The following LUZP2 variants were observed in gnomAD, a reference collection of about 807,000 sequenced individuals.
The protein encoded by LUZP2 is leucine zipper protein 2.
Under a neutral mutation model 51.6 loss-of-function variants are expected in LUZP2, and 52 were observed. The ratio of observed to expected loss-of-function variants is 1.01; its 90% CI spans 0.81 to 1.27. LUZP2 has a LOEUF of 1.27. LUZP2 is among the 50% of genes most tolerant of loss of function. The pLI is 0.00. For missense variants in LUZP2, 436 were observed against 395.4 expected (o/e 1.10, Z -0.87); for synonymous variants, 154 against 137.3 (o/e 1.12, Z -0.85).
At chr11:24,687,004 T>C (rs1162745104) in intron 1 of LUZP2, among the ~76,000 whole-genome samples, 1 of 152,148 alleles carries the variant, frequency 6.6e-6, no homozygotes, top group Admixed American at 6.5e-5. Context: ...TTGTGCCACA[T>C]AAAATGAATT....
intron 4 of LUZP2, among the ~76,000 whole-genome samples, chr11:24,759,894 C>A (rs180690307): frequency 3.0e-3 from 462 of 152,242 alleles, no homozygotes; most frequent in Non-Finnish European, 5.1e-3. Context: ...ATGTCAGTGA[C>A]AAAGCCTCAT....
intron 9 of LUZP2, among the ~76,000 whole-genome samples, chr11:24,997,648 C>A (rs1856549064): frequency 6.6e-6 from 1 of 151,896 alleles, no homozygotes; most frequent in South Asian, 2.1e-4. Context: ...TCAATTTTGG[C>A]TTTTGTTGCC....
intron 1 of LUZP2, among the ~76,000 whole-genome samples, chr11:24,559,599 G>T (rs962889108): frequency 3.9e-5 from 6 of 152,112 alleles, no homozygotes; most frequent in African/African-American, 7.2e-5. Context: ...AATTTTTTAT[G>T]ACAAACTGCT....
chr11:24,881,123 T>G (rs1437449614), intron 5 of LUZP2, among the ~76,000 whole-genome samples: 1 of 152,196 alleles, frequency 6.6e-6, no homozygotes, highest in Non-Finnish European at 1.5e-5. Context: ...TTAATCTGTC[T>G]GTGGTATATG....
intron 1 of LUZP2, among the ~76,000 whole-genome samples, chr11:24,660,581 G>T (rs770580966): frequency 1.3e-5 from 2 of 152,068 alleles, no homozygotes. Flanking sequence ...AGAGTGTCTG[G>T]ATTAAAGCGA....
At chr11:24,632,982 T>C (rs1854946342) in intron 1 of LUZP2, among the ~76,000 whole-genome samples, 3 of 152,022 alleles carry the variant, frequency 2.0e-5, no homozygotes, top group Admixed American at 2.0e-4. Flanking sequence ...GTTGAGTTCC[T>C]GTTTGTTAAG....
chr11:24,574,247 T>TCTTTCTTTCTTTCTTG (rs1852551826), intron 1 of LUZP2, among the ~76,000 whole-genome samples: 1 of 2,108 alleles, frequency 4.7e-4, no homozygotes, highest in African/African-American at 8.6e-4. Context: ...TTTCTTTCTT[T>TCTTTCTTTCTTTCTTG]CTTTCTTTCT....
chr11:24,578,531 C>A (rs373433316), intron 1 of LUZP2, among the ~76,000 whole-genome samples: 1 of 150,446 alleles, frequency 6.6e-6, no homozygotes, highest in African/African-American at 2.4e-5. Flanking sequence ...TGTGGAGTCA[C>A]CCTAGGTGCC....
intron 1 of LUZP2, among the ~76,000 whole-genome samples, chr11:24,683,286 G>T (rs1476809855): frequency 1.3e-5 from 2 of 152,142 alleles, no homozygotes; most frequent in African/African-American, 4.8e-5. Flanking sequence ...AGTACTTAAA[G>T]GATTATTTTG....
In LUZP2 at chr11:24,547,611, A is replaced by G. The variant is rs550072412; in HGVS notation, c.62+50306A>G. On this transcript the variant is annotated intron_variant, in intron 1 of 11. Coordinates refer to ENST00000336930, the MANE Select transcript of LUZP2 (RefSeq NM_001009909.4). ...AGACTTAAATGTGAAACCTAAAACT[A>G]ATAAAAACCCTAGAAGAAAACATAG... 2.0e-4 allele frequency among the ~76,000 whole-genome samples: 31 copies of G among 152,168 alleles called. No homozygotes were observed. The South Asian group carries it at 5.8e-3, about 28-fold the overall frequency.
At chr11:25,078,380 A>G (rs901237796) in intron 11 of LUZP2, among the ~76,000 whole-genome samples, 174 bp from the exon 12 acceptor site, 1 of 152,222 alleles carries the variant, frequency 6.6e-6, no homozygotes, top group African/African-American at 2.4e-5. Context: ...ATGTACTTTT[A>G]TGAAATATAA....
At chr11:24,602,744 G>A (rs1853781582) in intron 1 of LUZP2, among the ~76,000 whole-genome samples, 2 of 151,614 alleles carry the variant, frequency 1.3e-5, no homozygotes, top group South Asian at 2.1e-4. Context: ...CACCTTGGAT[G>A]TATGGGCACA....
intron 9 of LUZP2, among the ~76,000 whole-genome samples, chr11:25,002,616 C>T (rs1856718013): frequency 6.6e-6 from 1 of 152,178 alleles, no homozygotes; most frequent in South Asian, 2.1e-4. Flanking sequence ...GCCACCACCG[C>T]AACTACCTGC....
chr11:24,951,572 G>A (rs1026507872), intron 7 of LUZP2, among the ~76,000 whole-genome samples: 1 of 151,336 alleles, frequency 6.6e-6, no homozygotes, highest in Non-Finnish European at 1.5e-5. Flanking sequence ...TTGTGCTTCG[G>A]AGCCAATTAT....
At chr11:24,507,717 G>A (rs550050282) in intron 1 of LUZP2, among the ~76,000 whole-genome samples, 69 of 152,096 alleles carry the variant, frequency 4.5e-4, no homozygotes, top group African/African-American at 1.4e-3. Flanking sequence ...ATAAATGCTT[G>A]TTCTAGGCTA....
intron 7 of LUZP2, among the ~76,000 whole-genome samples, chr11:24,947,017 G>A (rs1473648211): frequency 6.6e-6 from 1 of 151,732 alleles, no homozygotes; most frequent in East Asian, 1.9e-4. Flanking sequence ...GGAAGTTAGG[G>A]GCACCAACCC....
intron 4 of LUZP2, among the ~76,000 whole-genome samples, chr11:24,750,548 G>A (rs1284998551): frequency 1.3e-5 from 2 of 152,072 alleles, no homozygotes; most frequent in African/African-American, 4.8e-5. Context: ...CTACCAGTTG[G>A]TAACTTATAA....
chr11:24,836,084 G>C (rs1002242316), intron 5 of LUZP2, among the ~76,000 whole-genome samples: 4 of 151,922 alleles, frequency 2.6e-5, no homozygotes, highest in African/African-American at 9.7e-5. Flanking sequence ...AATTCTGACT[G>C]TTTCACTTTC....
At position 24,652,126 on chromosome 11, in the gene LUZP2, G is replaced by A. The variant is rs533121418; in HGVS notation, c.63-77043G>A. On this transcript the variant is annotated intron_variant, in intron 1 of 11. Coordinates refer to ENST00000336930, the MANE Select transcript of LUZP2 (RefSeq NM_001009909.4). ...TGTATATGTGTTTGTGTGTGTGTGT[G>A]TGCGTATGTGTATCTCCTGTTGGTT... Among the ~76,000 whole-genome samples, 466 of 152,076 alleles carry A rather than the reference G, an allele frequency of 3.1e-3. 4 individuals carry two copies. The highest frequency in any genetic ancestry group is 0.01 in the African/African-American group (430 of 41,494).
Sources: allele counts gnomAD v4.1 joint callset (sites outside exome capture counted in the v4.1 genomes callset), GRCh38; gene constraint gnomAD v4.1.1; transcripts MANE v1.5; gene names NCBI Gene and HGNC (gene_info 2026-07-23, HGNC 2026-07-21).